IL1RAPL1: variants seen among roughly 807,000 people sequenced by gnomAD.
IL1RAPL1 encodes interleukin 1 receptor accessory protein like 1.
Under a neutral mutation model 48.4 loss-of-function variants are expected in IL1RAPL1, and 3 were observed. That is an observed-to-expected ratio of 0.06 (90% CI 0.03 to 0.16). The LOEUF (loss-of-function observed/expected upper bound fraction) is 0.16, where lower values mean the gene tolerates loss of function less well. IL1RAPL1 is among the 10% of genes least tolerant of loss of function. IL1RAPL1 has a pLI of 1.00. For synonymous variants in IL1RAPL1, 185 were observed against 187.7 expected, an observed-to-expected ratio of 0.99 and a Z score of 0.12; for missense variants, 349 against 530.6, an observed-to-expected ratio of 0.66 and a Z score of 3.36.
At chrX:28,603,686 G>A (rs1435561597) in intron 1 of IL1RAPL1, among the ~76,000 whole-genome samples, 2 of 111,689 alleles carry the variant, frequency 1.8e-5, no homozygotes, top group African/African-American at 6.5e-5. Context: ...AAGAAGAAAG[G>A]GAGAAAGAAA....
intron 2 of IL1RAPL1, among the ~76,000 whole-genome samples, chrX:28,969,474 T>C (rs748319650): frequency 1.7e-4 from 19 of 110,459 alleles, no homozygotes; most frequent in African/African-American, 5.3e-4. Flanking sequence ...AAAGCTTTTT[T>C]TTTTTTTCAG....
intron 5 of IL1RAPL1, among the ~76,000 whole-genome samples, chrX:29,539,003 G>A (rs961514692): frequency 1.8e-5 from 2 of 110,710 alleles, no homozygotes; most frequent in African/African-American, 6.6e-5. Context: ...CAATTTCACC[G>A]AAACTATTCC....
rs58992212 is a variant in IL1RAPL1, at chrX:28,951,413, TA to T, written c.82+162006del. 1.8e-3 allele frequency among the ~76,000 whole-genome samples: 167 copies of T among 90,520 alleles called. 1 individual carries two copies. Among genetic ancestry groups the T allele is most frequent in the East Asian group, 8.8e-3 (25 of 2,827 alleles). The allele number at this position is 90,520 out of a possible 115,157, so 78.6% of individuals were successfully genotyped here. On this transcript the variant is annotated intron_variant, in intron 2 of 10. Transcript: ENST00000378993. ...ATGTATTGGAATCCATGATAAATGG[TA>T]AAAAAAAAAAAAAAAAATTGTCAAC...
At chrX:29,562,600 A>T (rs1198028717) in intron 5 of IL1RAPL1, among the ~76,000 whole-genome samples, 1 of 112,183 alleles carries the variant, frequency 8.9e-6, no homozygotes, top group Non-Finnish European at 1.9e-5. Context: ...CAAAAAGATG[A>T]GCTTAAAGAA....
At chrX:29,319,020 G>A (rs1932781077) in intron 3 of IL1RAPL1, among the ~76,000 whole-genome samples, 1 of 110,960 alleles carries the variant, frequency 9.0e-6, no homozygotes, top group Admixed American at 9.7e-5. Context: ...ATAAGTATTT[G>A]ATATTTTACT....
intron 5 of IL1RAPL1, among the ~76,000 whole-genome samples, chrX:29,548,474 T>C (rs2147786516): frequency 8.9e-6 from 1 of 112,615 alleles, no homozygotes; most frequent in African/African-American, 3.2e-5. Flanking sequence ...TTTACCCATA[T>C]GTTAAAATAG....
intron 6 of IL1RAPL1, among the ~76,000 whole-genome samples, chrX:29,682,318 C>T (rs901569272): frequency 3.6e-5 from 4 of 111,051 alleles, no homozygotes; most frequent in African/African-American, 9.8e-5. Flanking sequence ...CTTAAGCCCA[C>T]GCCACTGACC....
chrX:29,837,417 A>G (rs1296918084), intron 6 of IL1RAPL1, among the ~76,000 whole-genome samples: 2 of 108,209 alleles, frequency 1.8e-5, no homozygotes, highest in Non-Finnish European at 3.8e-5. Flanking sequence ...ATTAACATCA[A>G]TAATCTTACT....
chrX:29,725,371 C>G (rs150123059), intron 6 of IL1RAPL1, among the ~76,000 whole-genome samples: 1 of 110,994 alleles, frequency 9.0e-6, no homozygotes, highest in Non-Finnish European at 1.9e-5. Context: ...GCTTCCTAAG[C>G]CCTCATGGTT....
chrX:29,135,755 A>G (rs1459163721), intron 2 of IL1RAPL1, among the ~76,000 whole-genome samples: 1 of 111,619 alleles, frequency 9.0e-6, no homozygotes, highest in Non-Finnish European at 1.9e-5. Flanking sequence ...TTATTTTGAG[A>G]CAGGGTTTCA....
chrX:29,287,344 C>T (rs1932299320), intron 3 of IL1RAPL1, among the ~76,000 whole-genome samples: 1 of 111,568 alleles, frequency 9.0e-6, no homozygotes, highest in Admixed American at 9.6e-5. Flanking sequence ...AAGGGTGTCT[C>T]TATTATTTCC....
chrX:29,586,543 A>C (rs1419128798), intron 5 of IL1RAPL1, among the ~76,000 whole-genome samples: 1 of 111,806 alleles, frequency 8.9e-6, no homozygotes, highest in Non-Finnish European at 1.9e-5. Context: ...GTTCCATATG[A>C]ATTGTAGAAT....
chrX:28,972,538 A>C (rs1925105364), intron 2 of IL1RAPL1, among the ~76,000 whole-genome samples: 1 of 110,996 alleles, frequency 9.0e-6, no homozygotes, highest in Non-Finnish European at 1.9e-5. Flanking sequence ...GGAGATCGAG[A>C]CCATCCTGGC....
intron 2 of IL1RAPL1, among the ~76,000 whole-genome samples, chrX:29,094,279 C>T (rs1458443915): frequency 9.0e-6 from 1 of 110,714 alleles, no homozygotes; most frequent in Non-Finnish European, 1.9e-5. Context: ...TGTATATATG[C>T]CCATTTTAAT....
At chrX:28,801,635 C>T (rs759014883) in intron 2 of IL1RAPL1, among the ~76,000 whole-genome samples, 1 of 111,823 alleles carries the variant, frequency 8.9e-6, no homozygotes, top group South Asian at 3.7e-4. Context: ...AAGTGGCTTA[C>T]ATTAATCTGA....
At chrX:29,585,168 C>A (rs1210563245) in intron 5 of IL1RAPL1, among the ~76,000 whole-genome samples, 1 of 111,911 alleles carries the variant, frequency 8.9e-6, no homozygotes, top group East Asian at 2.8e-4. Flanking sequence ...TTAACTGAAA[C>A]TTTATGCATA....
At chrX:29,419,536 G>T (rs1268520647) in intron 5 of IL1RAPL1, among the ~76,000 whole-genome samples, 9 of 111,202 alleles carry the variant, frequency 8.1e-5, no homozygotes. Context: ...GGCCAAGCTG[G>T]TCTTGAACTC....
intron 2 of IL1RAPL1, among the ~76,000 whole-genome samples, chrX:28,810,289 G>A (rs758622138): frequency 9.1e-6 from 1 of 110,312 alleles, no homozygotes; most frequent in East Asian, 2.9e-4. Context: ...GAGGTTGCAG[G>A]ACAGAACCCT....
chrX:29,216,168 ATTG>A (rs1251580106), intron 2 of IL1RAPL1, among the ~76,000 whole-genome samples: 9 of 110,263 alleles, frequency 8.2e-5, no homozygotes, highest in South Asian at 3.8e-4. Flanking sequence ...TTTTGTTGTT[ATTG>A]TTGTTGTTGT....
Sources: gnomAD v4.1 joint callset for allele counts (sites outside exome capture counted in the v4.1 genomes callset) on GRCh38, gnomAD v4.1.1 for gene constraint, MANE v1.5 for transcripts, NCBI Gene and HGNC (gene_info 2026-07-23, HGNC 2026-07-21) for gene names.